The following RAB5C variants were observed in gnomAD, a reference collection of about 807,000 sequenced individuals.
RAB5C encodes the protein RAB5C, member RAS oncogene family, also known as ras-related protein Rab-5C.
Under a neutral mutation model 25.2 loss-of-function variants are expected in RAB5C, and 4 were observed. That is an observed-to-expected ratio of 0.16 (90% CI 0.08 to 0.36). RAB5C has a LOEUF of 0.36. RAB5C is among the 10% of genes least tolerant of loss of function. RAB5C has a pLI of 1.00. For synonymous variants in RAB5C, 100 were observed against 106.4 expected (o/e 0.94, Z 0.37); for missense variants, 199 against 283.8 (o/e 0.70, Z 2.15).
chr17:42,133,144 G>A (rs1430984212), intron 1 of RAB5C, among the ~76,000 whole-genome samples: 1 of 152,232 alleles, frequency 6.6e-6, no homozygotes, highest in East Asian at 1.9e-4. Flanking sequence ...CCAGAGCCAG[G>A]CAGGGCGACA....
At chr17:42,130,660 C>T (rs2054476182) in intron 1 of RAB5C, 70 bp from the exon 2 acceptor site, 3 of 1,448,310 alleles carry the variant, frequency 2.1e-6, no homozygotes, top group Middle Eastern at 2.1e-4. Context: ...TCTTAAATTA[C>T]AGATCTTTCC....
Position 42,125,814 on chromosome 17 carries a change from G to T in RAB5C, c.620C>A (p.Pro207Gln), listed in dbSNP as rs781866545. The T allele has an allele frequency of 1.2e-6, 2 of 1,609,732 alleles. No homozygotes were observed. The highest frequency in any genetic ancestry group is 1.7e-6 in the Non-Finnish European group (2 of 1,178,360). ...NRGVDLQENN[P>Q]ASRSQCCSN is the part of the protein sequence containing the mutation. ...GCTGCAGCACTGGCTCCGGCTGGCT[G>T]GGTTGTTCTCCTGGAGGTCCACACC... Residue 207 changes from proline (P) to glutamine (Q), a missense_variant, in exon 6 of 6, where the codon CCA (proline) becomes CAA (glutamine). Physicochemically the swap from Pro to Gln is moderately conservative, Grantham distance 76. Around this residue, in one of 3 missense-constraint regions of RAB5C, gnomAD observed 154 missense variants for 199.6 expected, o/e 0.77. Transcript: ENST00000346213.
Position 42,141,546 on chromosome 17 carries a change from C to T in RAB5C, c.-88-10956G>A, listed in dbSNP as rs942004737. Among the ~76,000 whole-genome samples, 9 of 152,126 alleles carry T rather than the reference C, an allele frequency of 5.9e-5. No individual in the cohort carries two copies. The East Asian group carries it at 7.7e-4, about 13-fold the overall frequency. Reference sequence around the variant, plus strand: ...ATCTGCATTCATCTGCCAGACGGCTCGGGTCCCCTAACAGAGCCACAGAGC... The same window carrying T: ...ATCTGCATTCATCTGCCAGACGGCTTGGGTCCCCTAACAGAGCCACAGAGC... On this transcript the variant is annotated intron_variant, in intron 1 of 5. Transcript: ENST00000346213.
At chr17:42,130,120 T>C (rs947943150) in intron 2 of RAB5C, 1 of 609,968 alleles carries the variant, frequency 1.6e-6, no homozygotes, top group Non-Finnish European at 2.7e-6. Flanking sequence ...GAAGCTAGCT[T>C]TCCACTCCCA....
chr17:42,133,019 T>C (rs1263045843), intron 1 of RAB5C, among the ~76,000 whole-genome samples: 1 of 152,158 alleles, frequency 6.6e-6, no homozygotes, highest in African/African-American at 2.4e-5. Flanking sequence ...AATGAAACTC[T>C]CTTTTTTTGT....
chr17:42,154,063 CAAGAA>C (rs2079689632), intron 1 of RAB5C, among the ~76,000 whole-genome samples: 1 of 152,068 alleles, frequency 6.6e-6, no homozygotes, highest in Non-Finnish European at 1.5e-5. Flanking sequence ...ACAGCAGTCC[CAAGAA>C]AAGCAGTCCC....
At chr17:42,148,492 A>ACTT (rs1380777030) in intron 1 of RAB5C, among the ~76,000 whole-genome samples, 1 of 152,010 alleles carries the variant, frequency 6.6e-6, no homozygotes, top group Non-Finnish European at 1.5e-5. Flanking sequence ...TCCTTTAACA[A>ACTT]CTTCAGTAGG....
intron 4 of RAB5C, 134 bp downstream of exon 4, chr17:42,128,127 G>C (rs939629682): frequency 1.5e-6 from 2 of 1,306,656 alleles, no homozygotes; most frequent in Non-Finnish European, 2.1e-6. Context: ...CATGCCTGAG[G>C]CACGAGAGGA....
chr17:42,134,394 G>A (rs61126473), intron 1 of RAB5C, among the ~76,000 whole-genome samples: 2,141 of 152,204 alleles, frequency 0.014, 26 homozygotes, highest in African/African-American at 0.042. Context: ...TTCTCCATAA[G>A]AGCTAAAGTT....
At chr17:42,145,877 G>A (rs1467554529) in intron 1 of RAB5C, among the ~76,000 whole-genome samples, 1 of 152,166 alleles carries the variant, frequency 6.6e-6, no homozygotes, top group Non-Finnish European at 1.5e-5. Flanking sequence ...ACACGATGTT[G>A]GCTCACTGCA....
chr17:42,129,834 A>G (rs1371502016), intron 2 of RAB5C, among the ~76,000 whole-genome samples: 1 of 152,198 alleles, frequency 6.6e-6, no homozygotes, highest in Non-Finnish European at 1.5e-5. Flanking sequence ...CCAGACCCTC[A>G]CTCACATCCT....
At chr17:42,131,657 G>T in intron 1 of RAB5C, 1 of 1,524,138 alleles carries the variant, frequency 6.6e-7, no homozygotes, top group Non-Finnish European at 8.8e-7. Context: ...AGAAAGAAGA[G>T]GCAGGAGGTG....
intron 1 of RAB5C, among the ~76,000 whole-genome samples, chr17:42,150,927 C>A (rs2079666889): frequency 6.6e-6 from 1 of 152,182 alleles, no homozygotes; most frequent in African/African-American, 2.4e-5. Context: ...AGTCTGCCAG[C>A]ACTGGACTAG....
chr17:42,132,338 G>A (rs1453258993), intron 1 of RAB5C, among the ~76,000 whole-genome samples: 1 of 152,180 alleles, frequency 6.6e-6, no homozygotes, highest in Admixed American at 6.5e-5. Flanking sequence ...GGAAGTACGG[G>A]GTGGTGGGTC....
intron 1 of RAB5C, among the ~76,000 whole-genome samples, chr17:42,148,751 C>G (rs547740230): frequency 6.6e-6 from 1 of 152,188 alleles, no homozygotes; most frequent in East Asian, 1.9e-4. Context: ...TTTCCAGGCA[C>G]GTGAGGTGCA....
At chr17:42,142,633 A>AG (rs1410316279) in intron 1 of RAB5C, among the ~76,000 whole-genome samples, 1 of 152,218 alleles carries the variant, frequency 6.6e-6, no homozygotes. Flanking sequence ...AGCCACCTGA[A>AG]GGGGACATAC....
chr17:42,131,520 G>C, intron 1 of RAB5C: 5 of 1,331,972 alleles, frequency 3.8e-6, no homozygotes, highest in Non-Finnish European at 5.2e-6. Flanking sequence ...AACACACACC[G>C]AAACAAACAC....
intron 1 of RAB5C, among the ~76,000 whole-genome samples, chr17:42,137,300 T>A (rs7211222): frequency 6.7e-6 from 1 of 148,358 alleles, no homozygotes. Context: ...AGCGAGACAC[T>A]GTCTCAAAAA....
At position 42,128,799 on chromosome 17, in the gene RAB5C, C is replaced by A; in HGVS notation, c.168G>T (p.Ala56=). 6.6e-7 allele frequency: 1 copy of A among 1,506,084 alleles called. No individual in the cohort carries two copies. Among genetic ancestry groups the A allele is most frequent in the Non-Finnish European group, 8.9e-7 (1 of 1,128,802 alleles). 93.3% of individuals were successfully genotyped at this position (1,506,084 alleles called of 1,614,324 possible). ...FHEYQESTIG[A]AFLTQTVCLD... ...GGCAGACAGTCTGTGTGAGGAAGGC[C>A]GCTGTAAGAGAGAAGGAGCGTCCAT... The change falls in exon 3 of 6, where the codon GCG becomes GCT. Residue 56 remains alanine (A), a splice_region_variant and synonymous_variant. Coordinates refer to ENST00000346213, the MANE Select transcript of RAB5C (RefSeq NM_004583.4).
Sources: gnomAD v4.1 joint callset for allele counts (sites outside exome capture counted in the v4.1 genomes callset) on GRCh38, gnomAD v4.1.1 for gene constraint, gnomAD v4.1.1 regional missense constraint, MANE v1.5 for transcripts, NCBI Gene and HGNC (gene_info 2026-07-23, HGNC 2026-07-21) for gene names.